CSMD1: variants seen among roughly 807,000 people sequenced by gnomAD.
CSMD1 encodes the protein CUB and Sushi multiple domains 1, also known as CUB and sushi domain-containing protein 1.
CSMD1 carries 213 observed loss-of-function variants against 417.5 expected under a neutral mutation model. That is an observed-to-expected ratio of 0.51 (90% CI 0.46 to 0.57). The LOEUF (loss-of-function observed/expected upper bound fraction) is 0.57. Ranked by LOEUF, CSMD1 falls within the 20% of genes least tolerant of loss-of-function variation. CSMD1 has a pLI of 0.00. For synonymous variants in CSMD1, 2,862 were observed against 1,736.8 expected, an observed-to-expected ratio of 1.65 and a Z score of -16.11; for missense variants, 6,923 against 4,529.7, an observed-to-expected ratio of 1.53 and a Z score of -15.17.
chr8:4,420,156 G>C (rs1368324416), intron 2 of CSMD1, 91 bp from the exon 3 acceptor site: 1 of 800,708 alleles, frequency 1.2e-6, no homozygotes, highest in South Asian at 1.5e-5. Flanking sequence ...AACTTGAACA[G>C]TGGTATATTC....
chr8:4,190,959 G>T (rs529556148), intron 3 of CSMD1, among the ~76,000 whole-genome samples: 4 of 151,848 alleles, frequency 2.6e-5, no homozygotes, highest in South Asian at 2.1e-4. Flanking sequence ...AGAGTGGGGG[G>T]GGCGGGGAAG....
intron 50 of CSMD1, among the ~76,000 whole-genome samples, chr8:3,032,818 C>G (rs752440113): frequency 2.6e-5 from 4 of 152,038 alleles, no homozygotes; most frequent in Admixed American, 2.6e-4. Flanking sequence ...CGCAAAATTT[C>G]ACTTGCACAC....
Position 4,747,933 on chromosome 8 carries a change from G to T in CSMD1, c.86-110375C>A, listed in dbSNP as rs182101169. Among the ~76,000 whole-genome samples the T allele has an allele frequency of 3.0e-3, 456 of 152,298 alleles. 5 individuals are homozygous for T. Among genetic ancestry groups the T allele is most frequent in the Middle Eastern group, 3.4e-3 (1 of 294 alleles). ...ATCAATGACAAATACACTATTTATT[G>T]CAGAAACTACCATATGTTCTGCCTT... On this transcript the variant is annotated intron_variant, in intron 1 of 69. Coordinates refer to ENST00000635120, the MANE Select transcript of CSMD1 (RefSeq NM_033225.6).
intron 3 of CSMD1, among the ~76,000 whole-genome samples, chr8:4,333,496 G>T (rs989346940): frequency 6.6e-6 from 1 of 152,078 alleles, no homozygotes; most frequent in South Asian, 2.1e-4. Flanking sequence ...ATGATTATGT[G>T]TACAGCACTA....
At chr8:4,165,820 G>C (rs1005037803) in intron 3 of CSMD1, among the ~76,000 whole-genome samples, 1 of 152,142 alleles carries the variant, frequency 6.6e-6, no homozygotes, top group African/African-American at 2.4e-5. Flanking sequence ...ACTCTTACTA[G>C]GTTGTTGCAA....
intron 1 of CSMD1, among the ~76,000 whole-genome samples, chr8:4,911,020 T>A (rs1805633017): frequency 6.6e-6 from 1 of 152,204 alleles, no homozygotes; most frequent in Admixed American, 6.5e-5. Flanking sequence ...ACTCTCTCTT[T>A]GCCTGCTGCC....
intron 5 of CSMD1, among the ~76,000 whole-genome samples, chr8:3,829,126 T>A (rs1460765356): frequency 6.6e-6 from 1 of 152,056 alleles, no homozygotes; most frequent in Non-Finnish European, 1.5e-5. Context: ...GGTGCACCCA[T>A]CACCCAAGCA....
chr8:3,794,585 T>C (rs1182230029), intron 5 of CSMD1, among the ~76,000 whole-genome samples: 1 of 148,450 alleles, frequency 6.7e-6, no homozygotes, highest in Non-Finnish European at 1.5e-5. Context: ...CATTGGTTTA[T>C]TTTTCCATTT....
intron 3 of CSMD1, among the ~76,000 whole-genome samples, chr8:4,098,448 A>C (rs570671953): frequency 6.6e-6 from 1 of 152,238 alleles, no homozygotes; most frequent in South Asian, 2.1e-4. Flanking sequence ...AACATGCATC[A>C]GACACATATT....
chr8:4,014,025 A>G (rs1245176224), intron 4 of CSMD1, among the ~76,000 whole-genome samples: 2 of 149,280 alleles, frequency 1.3e-5, no homozygotes, highest in Non-Finnish European at 2.9e-5. Context: ...GAAAGGACAT[A>G]CGGAGAAATA....
chr8:4,030,641 A>G (rs1175203677), intron 4 of CSMD1, among the ~76,000 whole-genome samples: 1 of 152,084 alleles, frequency 6.6e-6, no homozygotes, highest in Non-Finnish European at 1.5e-5. Context: ...CCCTGGAGGC[A>G]TTTTCCCCAT....
intron 12 of CSMD1, among the ~76,000 whole-genome samples, chr8:3,422,934 G>C (rs1200733875): frequency 3.9e-5 from 6 of 152,078 alleles, no homozygotes; most frequent in South Asian, 2.1e-4. Flanking sequence ...GGGCAAAAGG[G>C]GTAGATTCTC....
intron 3 of CSMD1, among the ~76,000 whole-genome samples, chr8:4,199,830 C>T (rs1013213134): frequency 6.6e-6 from 1 of 152,084 alleles, no homozygotes; most frequent in African/African-American, 2.4e-5. Flanking sequence ...CACTAGATAA[C>T]AGCAGCAACA....
At chr8:4,340,978 G>A (rs1163263413) in intron 3 of CSMD1, among the ~76,000 whole-genome samples, 4 of 151,952 alleles carry the variant, frequency 2.6e-5, no homozygotes, top group Non-Finnish European at 4.4e-5. Flanking sequence ...TCAAGCTGAT[G>A]GATTTAAAAA....
intron 4 of CSMD1, among the ~76,000 whole-genome samples, chr8:4,020,421 T>C (rs2980796): frequency 6.6e-6 from 1 of 152,060 alleles, no homozygotes; most frequent in African/African-American, 2.4e-5. Flanking sequence ...TCAAAATATT[T>C]ACTTTTTCTA....
intron 10 of CSMD1, among the ~76,000 whole-genome samples, chr8:3,546,796 G>T (rs917750445): frequency 2.0e-5 from 3 of 152,186 alleles, no homozygotes; most frequent in Admixed American, 1.3e-4. Flanking sequence ...GGATTCTGCA[G>T]CTCCCTGAAG....
intron 7 of CSMD1, among the ~76,000 whole-genome samples, chr8:3,629,570 T>C (rs1476309461): frequency 6.6e-6 from 1 of 152,178 alleles, no homozygotes; most frequent in Non-Finnish European, 1.5e-5. Flanking sequence ...TAGACTAAAT[T>C]ATTTCAGTGT....
chr8:4,791,192 T>C (rs1461634813), intron 1 of CSMD1, among the ~76,000 whole-genome samples: 1 of 151,982 alleles, frequency 6.6e-6, no homozygotes, highest in Non-Finnish European at 1.5e-5. Context: ...ACCACTGGTC[T>C]TGAGAGGAGA....
intron 3 of CSMD1, among the ~76,000 whole-genome samples, chr8:4,102,079 G>T (rs1038204126): frequency 6.6e-5 from 10 of 152,106 alleles, no homozygotes; most frequent in Non-Finnish European, 1.3e-4. Context: ...TACCTGCGCT[G>T]CACTAATTTC....
Sources: gnomAD v4.1 joint callset for allele counts (sites outside exome capture counted in the v4.1 genomes callset) on GRCh38, gnomAD v4.1.1 for gene constraint, MANE v1.5 for transcripts, NCBI Gene and HGNC (gene_info 2026-07-23, HGNC 2026-07-21) for gene names.